Variants in CAMTA1 observed in about 807,000 individuals in gnomAD.
The protein encoded by CAMTA1 is calmodulin binding transcription activator 1.
A neutral mutation model predicts 170.9 loss-of-function variants in CAMTA1; 27 were observed. That is an observed-to-expected ratio of 0.16 (90% CI 0.12 to 0.22). The LOEUF is 0.22. Ranked by LOEUF, CAMTA1 falls within the 10% of genes least tolerant of loss-of-function variation. The pLI, the probability that CAMTA1 is intolerant of heterozygous loss-of-function variation, is 1.00. For missense variants in CAMTA1, 1,619 were observed against 2,217.2 expected (o/e 0.73, Z 5.42); for synonymous variants, 833 against 891.5 (o/e 0.93, Z 1.17).
chr1:7,032,870 G>C (rs1458313091), intron 3 of CAMTA1, among the ~76,000 whole-genome samples: 2 of 152,080 alleles, frequency 1.3e-5, no homozygotes, highest in Non-Finnish European at 2.9e-5. Context: ...CTTTAAAGAA[G>C]TTTCTCTATG....
intron 7 of CAMTA1, among the ~76,000 whole-genome samples, chr1:7,655,967 G>A (rs2095899638): frequency 6.6e-6 from 1 of 152,160 alleles, no homozygotes; most frequent in South Asian, 2.1e-4. Context: ...TCTGGAGGTG[G>A]GGCCCCATGG....
rs1011670437 is a variant in CAMTA1, at chr1:7,426,106, T to C, written c.439-41724T>C. On this transcript the variant is annotated intron_variant, in intron 5 of 22. Transcript: ENST00000303635. The surrounding 1 kb of genome is among the most constrained non-coding windows in gnomAD (Gnocchi z 4.8). ...CATCTGCAGGGCTCCTCCCTCCTTC[T>C]GCTAGTCCCATCAGCCACCCCATCT... Among the ~76,000 whole-genome samples the C allele has an allele frequency of 1.3e-5, 2 of 152,208 alleles. No individual in the cohort carries two copies. The highest frequency in any genetic ancestry group is 2.9e-5 in the Non-Finnish European group (2 of 68,032).
intron 11 of CAMTA1, among the ~76,000 whole-genome samples, chr1:7,722,446 C>T (rs989077166): frequency 2.0e-5 from 3 of 147,194 alleles, no homozygotes; most frequent in Non-Finnish European, 3.0e-5. Flanking sequence ...TCTGAAGCCC[C>T]AACTAACCAT....
chr1:7,213,350 C>T (rs1305951373), intron 4 of CAMTA1, among the ~76,000 whole-genome samples: 1 of 152,188 alleles, frequency 6.6e-6, no homozygotes, highest in East Asian at 1.9e-4. Context: ...TTGTATTTCT[C>T]TAATTGGCTA....
chr1:7,463,212 G>A lies in CAMTA1; in HGVS notation c.439-4618G>A, dbSNP rs184736137. Among the ~76,000 whole-genome samples the A allele has an allele frequency of 7.8e-4, 119 of 152,316 alleles. 1 individual carries two copies. The Middle Eastern group carries it at 0.01, about 13-fold the overall frequency. ...GCCCTAAGCATGCTCTGCTCAGGAC[G>A]CCTTGGGTAAGTTGCTGAATCCTCT... On this transcript the variant is annotated intron_variant, in intron 5 of 22. Coordinates refer to ENST00000303635, the MANE Select transcript of CAMTA1 (RefSeq NM_015215.4). The surrounding 1 kb of genome is among the most constrained non-coding windows in gnomAD (Gnocchi z 4.7).
chr1:7,352,599 G>A (rs2084771372), intron 5 of CAMTA1, among the ~76,000 whole-genome samples: 1 of 152,174 alleles, frequency 6.6e-6, no homozygotes, highest in Non-Finnish European at 1.5e-5. Context: ...CCCCTTTCCA[G>A]GAAAGGGATT....
chr1:7,502,181 G>A (rs1390719335), intron 6 of CAMTA1, among the ~76,000 whole-genome samples: 1 of 152,154 alleles, frequency 6.6e-6, no homozygotes, highest in Non-Finnish European at 1.5e-5. Flanking sequence ...CTTACAGGGT[G>A]GTCTCCACCC....
chr1:7,544,985 A>T (rs182847067), intron 6 of CAMTA1, among the ~76,000 whole-genome samples: 67 of 152,224 alleles, frequency 4.4e-4, no homozygotes, highest in African/African-American at 1.3e-3. Flanking sequence ...CCCACCCCCA[A>T]CACTGCCACA....
intron 1 of CAMTA1, among the ~76,000 whole-genome samples, chr1:6,805,825 G>A (rs2148275333): frequency 6.6e-6 from 1 of 152,124 alleles, no homozygotes; most frequent in South Asian, 2.1e-4. Context: ...TTTCTTGATA[G>A]TGTCCTTTGA....
rs1403932290 is a variant in CAMTA1, at chr1:7,561,546, C to T, written c.511-78854C>T. 1.3e-5 allele frequency among the ~76,000 whole-genome samples: 2 copies of T among 151,846 alleles called. No homozygotes were observed. The highest frequency in any genetic ancestry group is 2.9e-5 in the Non-Finnish European group (2 of 67,944). On this transcript the variant is annotated intron_variant, in intron 6 of 22. Coordinates refer to ENST00000303635, the MANE Select transcript of CAMTA1 (RefSeq NM_015215.4). This position sits in a 1 kb window ranked among gnomAD's most constrained non-coding sequence, Gnocchi z 5.3. ...AGAGAAAGCCTCTTGCCTGTAAACT[C>T]GTTGCAGGCGCAGGGATGGGCTGGT...
At chr1:7,669,173 G>A (rs561923090) in intron 9 of CAMTA1, among the ~76,000 whole-genome samples, 83 of 152,346 alleles carry the variant, frequency 5.4e-4, no homozygotes, top group Non-Finnish European at 1.0e-3. Flanking sequence ...TTTGTTTCTC[G>A]GTCCTGAGCT....
chr1:7,697,533 G>A (rs927609118), intron 11 of CAMTA1, among the ~76,000 whole-genome samples: 2 of 152,184 alleles, frequency 1.3e-5, no homozygotes, highest in Non-Finnish European at 2.9e-5. Context: ...CAGCAGAGAT[G>A]TCTCTGCATT....
chr1:7,663,003 T>A (rs2095973878), intron 8 of CAMTA1, among the ~76,000 whole-genome samples: 2 of 152,204 alleles, frequency 1.3e-5, no homozygotes, highest in Admixed American at 1.3e-4. Flanking sequence ...ATGAGTGGTA[T>A]CTGTCTCTGA....
chr1:7,654,100 G>A (rs1409300458), intron 7 of CAMTA1, among the ~76,000 whole-genome samples: 1 of 152,140 alleles, frequency 6.6e-6, no homozygotes, highest in Non-Finnish European at 1.5e-5. Context: ...TGGTAGAAGG[G>A]CTAGGCGTGG....
At position 7,067,432 on chromosome 1, in the gene CAMTA1, T is replaced by G. The variant is rs1177489391; in HGVS notation, c.235-23872T>G. Among the ~76,000 whole-genome samples, 1 of 152,048 alleles carries G rather than the reference T, an allele frequency of 6.6e-6. No individual in the cohort carries two copies. The highest frequency in any genetic ancestry group is 2.4e-5 in the African/African-American group (1 of 41,364). ...TTACTTGCTGAATTCTTCTTCTTCT[T>G]CTTCTGCTTCTCTGAGATCTGAGGG... On this transcript the variant is annotated intron_variant, in intron 3 of 22. Coordinates refer to ENST00000303635, the MANE Select transcript of CAMTA1 (RefSeq NM_015215.4). This position sits in a 1 kb window ranked among gnomAD's most constrained non-coding sequence, Gnocchi z 4.3.
intron 4 of CAMTA1, among the ~76,000 whole-genome samples, chr1:7,201,311 T>G (rs776700811): frequency 1.5e-4 from 23 of 152,270 alleles, no homozygotes; most frequent in Non-Finnish European, 2.8e-4. Flanking sequence ...ATAACTCATT[T>G]GGCTATTATT....
intron 6 of CAMTA1, among the ~76,000 whole-genome samples, chr1:7,472,450 G>A (rs543808005): frequency 5.9e-5 from 9 of 152,200 alleles, no homozygotes; most frequent in Middle Eastern, 3.4e-3. Context: ...CCTCCACCAC[G>A]CACCACACTT....
intron 4 of CAMTA1, among the ~76,000 whole-genome samples, chr1:7,222,008 G>A (rs540839448): frequency 6.6e-5 from 10 of 152,112 alleles, no homozygotes; most frequent in Middle Eastern, 6.8e-3. Flanking sequence ...TCTAGAAGTC[G>A]TCTGAACTGT....
At chr1:7,508,553 T>TC (rs2149861249) in intron 6 of CAMTA1, among the ~76,000 whole-genome samples, 1 of 152,314 alleles carries the variant, frequency 6.6e-6, no homozygotes, top group African/African-American at 2.4e-5. Context: ...CCCTGAGTTC[T>TC]CTGAGTCACC....
Sources: gnomAD v4.1 joint callset for allele counts (sites outside exome capture counted in the v4.1 genomes callset) on GRCh38, gnomAD v4.1.1 for gene constraint, Gnocchi (gnomAD v3.1) non-coding constraint, MANE v1.5 for transcripts, NCBI Gene and HGNC (gene_info 2026-07-23, HGNC 2026-07-21) for gene names.